The following DCLK1 variants were observed in gnomAD, a reference collection of about 807,000 sequenced individuals.
DCLK1 encodes the protein doublecortin like kinase 1, also known as serine/threonine-protein kinase DCLK1.
In DCLK1, 16 loss-of-function variants were observed where a neutral mutation model predicts 86.2. The ratio of observed to expected loss-of-function variants is 0.19; its 90% CI spans 0.13 to 0.28. The LOEUF (loss-of-function observed/expected upper bound fraction) is 0.28, where lower values mean the gene tolerates loss of function less well. Ranked by LOEUF, DCLK1 falls within the 10% of genes least tolerant of loss-of-function variation. The pLI is 1.00. For missense variants in DCLK1, 590 were observed against 940.2 expected, an observed-to-expected ratio of 0.63 and a Z score of 4.87; for synonymous variants, 369 against 370.5, an observed-to-expected ratio of 1.00 and a Z score of 0.05.
Position 35,772,414 on chromosome 13 carries a change from A to G in DCLK1, c.*2121T>C, listed in dbSNP as rs9943927. ...GGTCTCTGCCCATTGCATTCTTCAC[A>G]CTTTTAGAGTTGAGGCCAGGCTGTA... is the stretch of plus-strand genomic sequence containing the variant. On this transcript the variant is annotated 3_prime_UTR_variant, in exon 17 of 17. Transcript: ENST00000360631. 0.039 allele frequency: 5,874 copies of G among 152,254 alleles called. 369 individuals carry two copies. Among genetic ancestry groups the G allele is most frequent in the African/African-American group, 0.13 (5,471 of 41,532 alleles). The allele number at this position is 152,254 out of a possible 1,614,324, so 9.4% of individuals were successfully genotyped here. A position where few individuals can be genotyped will look rare whatever the true frequency, so the allele number is the denominator to read the frequency against.
chr13:35,876,857 A>C (rs1727255122), intron 4 of DCLK1, among the ~76,000 whole-genome samples: 1 of 152,134 alleles, frequency 6.6e-6, no homozygotes, highest in Non-Finnish European at 1.5e-5. Flanking sequence ...TGGTGGAGAA[A>C]CTGGATGACC....
At chr13:35,997,787 T>C (rs1880536068) in intron 3 of DCLK1, among the ~76,000 whole-genome samples, 1 of 152,226 alleles carries the variant, frequency 6.6e-6, no homozygotes, top group Non-Finnish European at 1.5e-5. Context: ...CTACTGGCAA[T>C]TGCTTTGTTC....
intron 2 of DCLK1, among the ~76,000 whole-genome samples, chr13:36,115,754 A>C (rs1475603451): frequency 6.6e-6 from 1 of 151,594 alleles, no homozygotes; most frequent in Non-Finnish European, 1.5e-5. Context: ...TTTAAAAGTA[A>C]GGAAATAAGC....
At chr13:36,076,525 G>A (rs1485206477) in intron 3 of DCLK1, among the ~76,000 whole-genome samples, 6 of 152,176 alleles carry the variant, frequency 3.9e-5, no homozygotes, top group Non-Finnish European at 8.8e-5. Flanking sequence ...ATGTCCTTCT[G>A]ATCACTCCTG....
rs1405419969 is a variant in DCLK1, at chr13:36,125,975, T to C, written c.163A>G (p.Lys55Glu). Residue 55 changes from lysine to glutamate, a missense_variant, in exon 2 of 17, where the codon AAG becomes GAG. Lys to Glu is a moderately conservative substitution (Grantham distance 56, BLOSUM62 1). This residue lies in a region of DCLK1 where 195 missense variants were observed against 365.1 expected (regional missense o/e 0.53). Transcript: ENST00000360631. Reference protein sequence around the residue: ...RTLQTLSSEKKAKKVRFYRNG... With the variant: ...RTLQTLSSEKEAKKVRFYRNG... ...CGATAGAAACGAACTTTCTTGGCCTTCTTCTCGGAGCTGAGCGTCTGCAGC... is the reference window on the plus strand; with the variant it reads ...CGATAGAAACGAACTTTCTTGGCCTCCTTCTCGGAGCTGAGCGTCTGCAGC... 3 of 1,614,028 alleles carry C rather than the reference T, an allele frequency of 1.9e-6. No individual in the cohort carries two copies. In the Admixed American group the frequency reaches 5.0e-5, roughly 27 times the overall value.
Position 36,125,851 on chromosome 13 carries a change from G to A in DCLK1, c.287C>T (p.Ser96Leu), listed in dbSNP as rs750026852. Residue 96 changes from serine to leucine, a missense_variant, in exon 2 of 17, where the codon TCG becomes TTG. Around this residue, in one of 6 missense-constraint regions of DCLK1, gnomAD observed 195 missense variants for 365.1 expected, o/e 0.53. Coordinates refer to ENST00000360631, the MANE Select transcript of DCLK1 (RefSeq NM_001330071.2). ...ALLADLTRTL[S>L]DNVNLPQGVR... ...TCCCTGGGGCAAATTCACGTTATCC[G>A]ACAGAGTTCGGGTCAAATCAGCCAG... The A allele has an allele frequency of 2.5e-6, 4 of 1,614,178 alleles. No individual in the cohort carries two copies. Among genetic ancestry groups the A allele is most frequent in the South Asian group, 1.1e-5 (1 of 91,080 alleles).
In DCLK1 at chr13:36,080,110, G is replaced by GAA. The variant is rs60303979; in HGVS notation, c.723+31757_723+31758dup. 9.3e-5 allele frequency among the ~76,000 whole-genome samples: 14 copies of GAA among 151,130 alleles called. No homozygotes were observed. In the South Asian group the frequency reaches 1.0e-3, roughly 11 times the overall value. ...AGGTTTTGCCAACAAAGGAGTTATG[G>GAA]AAAAAAAAATGTCTGTTTCTACAGC... On this transcript the variant is annotated intron_variant, in intron 3 of 16. Coordinates refer to ENST00000360631, the MANE Select transcript of DCLK1 (RefSeq NM_001330071.2).
rs76931023 is a variant in DCLK1, at chr13:36,127,134, G to A, written c.-19-978C>T. Among the ~76,000 whole-genome samples the A allele has an allele frequency of 4.4e-3, 665 of 152,346 alleles. 5 individuals carry two copies. Among genetic ancestry groups the A allele is most frequent in the African/African-American group, 0.015 (604 of 41,578 alleles). ...TGTAAAAGTTTTACATAATGTTTGT[G>A]TGCCCCATGGCCAGATGGAGAGCAA... On this transcript the variant is annotated intron_variant, in intron 1 of 16. Transcript: ENST00000360631.
chr13:35,838,695 A>G (rs1869575043), intron 7 of DCLK1, among the ~76,000 whole-genome samples: 1 of 152,214 alleles, frequency 6.6e-6, no homozygotes, highest in South Asian at 2.1e-4. Context: ...TACATCTGTG[A>G]GACTACAACA....
intron 15 of DCLK1, among the ~76,000 whole-genome samples, chr13:35,794,102 C>G (rs2086758681): frequency 6.6e-6 from 1 of 152,216 alleles, no homozygotes; most frequent in Non-Finnish European, 1.5e-5. Context: ...GGTCTCTATT[C>G]TCTGCTGGAG....
rs1185255551 is a variant in DCLK1 at position 35,768,916 on chromosome 13, AAT to A, written c.*5617_*5618del. ...TCAATTGTGAATTGAACTAAGGTGA[AAT>A]TTTACTCCAATATGGCAAATGAACT... On this transcript the variant is annotated 3_prime_UTR_variant, in exon 17 of 17. Coordinates refer to ENST00000360631, the MANE Select transcript of DCLK1 (RefSeq NM_001330071.2). The A allele has an allele frequency of 6.6e-6, 1 of 152,194 alleles. No individual in the cohort carries two copies. The highest frequency in any genetic ancestry group is 1.9e-4 in the East Asian group (1 of 5,196). The allele number at this position is 152,194 out of a possible 1,614,324, so 9.4% of individuals were successfully genotyped here.
chr13:35,779,831 G>A (rs777692102), intron 16 of DCLK1, among the ~76,000 whole-genome samples: 5 of 152,058 alleles, frequency 3.3e-5, no homozygotes, highest in Non-Finnish European at 5.9e-5. Context: ...TAAAATATAT[G>A]CAGTTCATCT....
intron 3 of DCLK1, among the ~76,000 whole-genome samples, chr13:35,961,337 C>G (rs1878447709): frequency 6.6e-6 from 1 of 152,174 alleles, no homozygotes; most frequent in African/African-American, 2.4e-5. Context: ...AGATTACTCT[C>G]AGAGTCAACT....
intron 3 of DCLK1, among the ~76,000 whole-genome samples, chr13:36,058,895 AT>A (rs1883433068): frequency 6.6e-6 from 1 of 152,168 alleles, no homozygotes; most frequent in South Asian, 2.1e-4. Context: ...AATATCCCTT[AT>A]TTTTCTCAGG....
At chr13:36,095,756 TAGC>T (rs60674180) in intron 3 of DCLK1, among the ~76,000 whole-genome samples, 23,782 of 152,036 alleles carry the variant, frequency 0.16, 2,131 homozygotes, top group Non-Finnish European at 0.21. Context: ...GATATGGCCA[TAGC>T]AGTCATAAGA....
intron 3 of DCLK1, among the ~76,000 whole-genome samples, chr13:36,073,149 G>A (rs564285913): frequency 6.6e-6 from 1 of 152,234 alleles, no homozygotes; most frequent in Non-Finnish European, 1.5e-5. Flanking sequence ...ATGATTTTTA[G>A]TAAATACATA....
intron 3 of DCLK1, among the ~76,000 whole-genome samples, chr13:35,978,681 A>T (rs1221166971): frequency 6.6e-6 from 1 of 152,136 alleles, no homozygotes; most frequent in Non-Finnish European, 1.5e-5. Flanking sequence ...AACAACCAAC[A>T]TGTAATATCA....
At chr13:36,044,791 A>G (rs1235276234) in intron 3 of DCLK1, among the ~76,000 whole-genome samples, 2 of 152,142 alleles carry the variant, frequency 1.3e-5, no homozygotes, top group African/African-American at 4.8e-5. Context: ...TTAAAAATCT[A>G]AACATGAAAA....
chr13:35,795,833 G>A (rs977830523), intron 15 of DCLK1, among the ~76,000 whole-genome samples: 16 of 151,244 alleles, frequency 1.1e-4, no homozygotes, highest in African/African-American at 3.9e-4. Context: ...GGCTGAGACG[G>A]GAGAATAGCT....
Sources: gnomAD v4.1 joint callset for allele counts (sites outside exome capture counted in the v4.1 genomes callset) on GRCh38, gnomAD v4.1.1 for gene constraint, gnomAD v4.1.1 regional missense constraint, MANE v1.5 for transcripts, NCBI Gene and HGNC (gene_info 2026-07-23, HGNC 2026-07-21) for gene names.